PREP: variants seen among roughly 807,000 people sequenced by gnomAD.
PREP encodes dJ355L5.1 (prolyl endopeptidase).
Under a neutral mutation model 87.6 loss-of-function variants are expected in PREP, and 29 were observed. The observed-to-expected ratio is 0.33, with a 90% CI of 0.25 to 0.45. The LOEUF (loss-of-function observed/expected upper bound fraction) is 0.45. Ranked by LOEUF, PREP falls within the 20% of genes least tolerant of loss-of-function variation. PREP has a pLI of 1.00. For synonymous variants in PREP, 337 were observed against 328.6 expected (o/e 1.03, Z -0.28); for missense variants, 695 against 886.5 (o/e 0.78, Z 2.74).
Position 105,285,670 on chromosome 6 carries a change from C to A in PREP, c.1455-90G>T. 3 of 990,292 alleles carry A rather than the reference C, an allele frequency of 3.0e-6. No individual in the cohort carries two copies. The South Asian group carries it at 4.1e-5, about 13-fold the overall frequency. 61.3% of individuals were successfully genotyped at this position (990,292 alleles called of 1,614,324 possible). On this transcript the variant is annotated intron_variant, in intron 11 of 14. Coordinates refer to ENST00000652536, the MANE Select transcript of PREP (RefSeq NM_002726.5). ...CCATCTCAAAAAAGTGTATGCCCAACAACACTCTGAGTAATATCATCTCAA... is the reference window on the plus strand; with the variant it reads ...CCATCTCAAAAAAGTGTATGCCCAAAAACACTCTGAGTAATATCATCTCAA...
intron 6 of PREP, among the ~76,000 whole-genome samples, chr6:105,367,824 T>C (rs1562218476): frequency 6.6e-6 from 1 of 152,236 alleles, no homozygotes; most frequent in Non-Finnish European, 1.5e-5. Context: ...TACGGACTTC[T>C]GTGGCAATTA....
At position 105,341,416 on chromosome 6, in the gene PREP, A is replaced by G. The variant is rs532927671; in HGVS notation, c.824-7911T>C. On this transcript the variant is annotated intron_variant, in intron 7 of 14. Transcript: ENST00000652536. ...TTTAGAGGGAAATGTACAGCACTAA[A>G]TGCCCACAAGAGAAAGCAGGAAAGA... 2.2e-4 allele frequency among the ~76,000 whole-genome samples: 34 copies of G among 152,380 alleles called. No individual in the cohort carries two copies. In the South Asian group the frequency reaches 4.6e-3, roughly 20 times the overall value.
chr6:105,375,930 G>A (rs777570219), intron 4 of PREP, among the ~76,000 whole-genome samples, 195 bp downstream of exon 4: 1 of 152,180 alleles, frequency 6.6e-6, no homozygotes, highest in Non-Finnish European at 1.5e-5. Context: ...CATCAGAGTG[G>A]AAAAGAGGAA....
At chr6:105,314,203 C>G (rs1452652489) in intron 10 of PREP, among the ~76,000 whole-genome samples, 1 of 152,144 alleles carries the variant, frequency 6.6e-6, no homozygotes, top group Non-Finnish European at 1.5e-5. Context: ...GAGTTGTAAT[C>G]TTTTTTCTGG....
chr6:105,353,094 A>G lies in PREP; in HGVS notation c.718-17T>C, dbSNP rs1414219153. On this transcript the variant is annotated splice_polypyrimidine_tract_variant and intron_variant, in intron 6 of 14. Transcript: ENST00000652536. ...ATCAGATAACTAAAAAAGAAAAAAA[A>G]ATAGTGCAGGGGACTAATTAGAATT... 1 of 1,561,162 alleles carries G rather than the reference A, an allele frequency of 6.4e-7. No homozygotes were observed. Among genetic ancestry groups the G allele is most frequent in the South Asian group, 1.1e-5 (1 of 89,432 alleles).
At chr6:105,281,262 C>T (rs753885165) in intron 14 of PREP, 1 of 152,578 alleles carries the variant, frequency 6.6e-6, no homozygotes, top group Non-Finnish European at 1.5e-5. Flanking sequence ...GGGTTGCTCT[C>T]AGGTTCTAGA....
chr6:105,328,502 G>A (rs536372960), intron 9 of PREP, among the ~76,000 whole-genome samples: 4 of 151,952 alleles, frequency 2.6e-5, no homozygotes, highest in Admixed American at 6.6e-5. Flanking sequence ...GACCCGCCTC[G>A]GCCTCCCAAA....
intron 10 of PREP, among the ~76,000 whole-genome samples, chr6:105,313,369 C>A (rs1452288258): frequency 6.6e-6 from 1 of 152,212 alleles, no homozygotes; most frequent in Non-Finnish European, 1.5e-5. Context: ...CACGAAGCTC[C>A]TATTGTCTCT....
At chr6:105,361,566 G>A (rs1295207469) in intron 6 of PREP, among the ~76,000 whole-genome samples, 1 of 152,044 alleles carries the variant, frequency 6.6e-6, no homozygotes. Context: ...TTAGTTGCAC[G>A]TAAAAAAAGC....
intron 7 of PREP, among the ~76,000 whole-genome samples, chr6:105,344,310 G>A (rs1176605656): frequency 2.0e-5 from 3 of 152,080 alleles, no homozygotes; most frequent in Admixed American, 6.5e-5. Context: ...CTAACATGGT[G>A]AAACCCCATC....
At chr6:105,300,586 T>G (rs1770513472) in intron 10 of PREP, among the ~76,000 whole-genome samples, 1 of 151,716 alleles carries the variant, frequency 6.6e-6, no homozygotes, top group Non-Finnish European at 1.5e-5. Context: ...GTTTAACAGA[T>G]AAGAACTCAC....
intron 8 of PREP, among the ~76,000 whole-genome samples, chr6:105,331,168 G>A (rs911199601): frequency 5.3e-5 from 8 of 152,110 alleles, no homozygotes; most frequent in Admixed American, 1.3e-4. Flanking sequence ...TCAATAGGGC[G>A]CTCTGTGCTA....
At chr6:105,374,865 C>G (rs1772648652) in intron 4 of PREP, among the ~76,000 whole-genome samples, 1 of 151,892 alleles carries the variant, frequency 6.6e-6, no homozygotes, top group African/African-American at 2.4e-5. Flanking sequence ...CCTAATTTAG[C>G]TTCTCGCCCA....
intron 7 of PREP, among the ~76,000 whole-genome samples, chr6:105,349,047 A>G (rs1174074511): frequency 1.3e-5 from 2 of 151,996 alleles, no homozygotes; most frequent in Admixed American, 1.3e-4. Context: ...CTGAAAAATT[A>G]TTATATATAA....
chr6:105,288,857 AT>A lies in PREP; in HGVS notation c.1354del (p.Met452CysfsTer9). 6.2e-7 allele frequency: 1 copy of A among 1,613,594 alleles called. No homozygotes were observed. The highest frequency in any genetic ancestry group is 8.5e-7 in the Non-Finnish European group (1 of 1,179,450). ...TATGCCTTTTTTATGCACAATGAACATTGGAATCTTCGTACCATCCTTGCTA... is the reference window on the plus strand; with the variant it reads ...TATGCCTTTTTTATGCACAATGAACATGGAATCTTCGTACCATCCTTGCTA... The part of the protein sequence containing the change: ...YPSKDGTKIP[M>X]FIVHKKGIKL... On this transcript the variant is annotated frameshift_variant, in exon 11 of 15. Transcript: ENST00000652536. LOFTEE classifies it high-confidence loss of function.
intron 10 of PREP, among the ~76,000 whole-genome samples, chr6:105,313,326 G>A (rs534131324): frequency 1.3e-5 from 2 of 152,306 alleles, no homozygotes; most frequent in African/African-American, 4.8e-5. Flanking sequence ...GGGGAGGGGA[G>A]GGAAGAAATC....
rs1769963141 is a variant in PREP, at chr6:105,277,300, A to C, written c.*844T>G. 2.0e-5 allele frequency among the ~76,000 whole-genome samples: 3 copies of C among 152,008 alleles called. No homozygotes were observed. Among genetic ancestry groups the C allele is most frequent in the South Asian group, 4.1e-4 (2 of 4,822 alleles). Reference sequence around the variant, plus strand: ...GATATATGTATCTGTTTGTTTGGATAATTTACTCATGTGATCTCTTGGAAC... The same window carrying C: ...GATATATGTATCTGTTTGTTTGGATCATTTACTCATGTGATCTCTTGGAAC... On this transcript the variant is annotated 3_prime_UTR_variant, in exon 15 of 15. Transcript: ENST00000652536.
intron 2 of PREP, among the ~76,000 whole-genome samples, chr6:105,397,202 A>C (rs904541871): frequency 1.1e-4 from 17 of 151,478 alleles, no homozygotes; most frequent in African/African-American, 3.9e-4. Flanking sequence ...AAAAAAAAAA[A>C]GTATACATAA....
intron 6 of PREP, among the ~76,000 whole-genome samples, chr6:105,363,688 T>C (rs1772310067): frequency 6.6e-6 from 1 of 152,154 alleles, no homozygotes; most frequent in South Asian, 2.1e-4. Flanking sequence ...CCCATGGATA[T>C]GCCTTCCCCT....
Sources: allele counts gnomAD v4.1 joint callset (sites outside exome capture counted in the v4.1 genomes callset), GRCh38; gene constraint gnomAD v4.1.1; transcripts MANE v1.5; gene names NCBI Gene and HGNC (gene_info 2026-07-23, HGNC 2026-07-21).